RUSC2: variants seen among roughly 807,000 people sequenced by gnomAD.
The protein encoded by RUSC2 is AP-4 complex accessory subunit RUSC2.
Under a neutral mutation model 122.2 loss-of-function variants are expected in RUSC2, and 34 were observed. That is an observed-to-expected ratio of 0.28 (90% CI 0.21 to 0.37). The LOEUF (loss-of-function observed/expected upper bound fraction) is 0.37, where lower values mean the gene tolerates loss of function less well. RUSC2 is among the 10% of genes least tolerant of loss of function. The probability of loss-of-function intolerance (pLI) is 1.00; values close to 1 mark genes in which losing one functional copy is unlikely to be tolerated. For missense variants in RUSC2, 1,747 were observed against 1,952.4 expected (o/e 0.89, Z 1.98); for synonymous variants, 784 against 790.0 (o/e 0.99, Z 0.13).
chr9:35,547,765 C>T lies in RUSC2; in HGVS notation c.1244C>T (p.Ser415Phe), dbSNP rs201381204. The change falls in exon 2 of 12, where the codon TCT (serine) becomes TTT (phenylalanine). Residue 415 changes from serine to phenylalanine, a missense_variant. Ser to Phe is a radical substitution (Grantham distance 155). Transcript: ENST00000361226. This position sits in a 1 kb window ranked among gnomAD's most constrained non-coding sequence, Gnocchi z 4.6. ...CAATCATCCCCAAGCCCTGCTGGCT[C>T]TTCCATCACTAGCTGCTCTGAGGAA... ...SSQSSPSPAGSSITSCSEEHT... is the reference protein window; with the variant it reads ...SSQSSPSPAGFSITSCSEEHT... The T allele has an allele frequency of 1.2e-6, 2 of 1,614,194 alleles. No individual in the cohort carries two copies. Among genetic ancestry groups the T allele is most frequent in the Admixed American group, 1.7e-5 (1 of 60,030 alleles).
chr9:35,511,345 T>C (rs1326908324), intron 1 of RUSC2, among the ~76,000 whole-genome samples: 1 of 152,106 alleles, frequency 6.6e-6, no homozygotes, highest in Non-Finnish European at 1.5e-5. Flanking sequence ...CTGCTGTGGC[T>C]CCCACTGGCA....
At chr9:35,493,567 G>A (rs553300239) in intron 1 of RUSC2, among the ~76,000 whole-genome samples, 75 of 152,168 alleles carry the variant, frequency 4.9e-4, no homozygotes, top group Non-Finnish European at 9.1e-4. Context: ...GCAGTGGCAC[G>A]ATCTTGGCTC....
At chr9:35,492,995 T>TA (rs1409266422) in intron 1 of RUSC2, among the ~76,000 whole-genome samples, 1 of 152,102 alleles carries the variant, frequency 6.6e-6, no homozygotes, top group African/African-American at 2.4e-5. Context: ...GGTTTTTTTT[T>TA]AACTTTTATT....
Position 35,547,388 on chromosome 9 carries a change from C to A in RUSC2, c.867C>A (p.Asn289Lys). The change falls in exon 2 of 12, where the codon AAC becomes AAA. Residue 289 changes from asparagine (N) to lysine (K), a missense_variant. By Grantham distance (94) the Asn-to-Lys change is moderately conservative. Transcript: ENST00000361226. The surrounding 1 kb of genome is among the most constrained non-coding windows in gnomAD (Gnocchi z 4.6). Reference sequence around the variant, plus strand: ...TGGTCACCTTCAGCACCCTCTACAACAAGATGCATGGCACCCCCCGTGCCA... The same window carrying A: ...TGGTCACCTTCAGCACCCTCTACAAAAAGATGCATGGCACCCCCCGTGCCA... ...GVLVTFSTLY[N>K]KMHGTPRANL... 1 of 1,614,184 alleles carries A rather than the reference C, an allele frequency of 6.2e-7. No homozygotes were observed. Among genetic ancestry groups the A allele is most frequent in the East Asian group, 2.2e-5 (1 of 44,876 alleles).
At chr9:35,517,037 T>C (rs1330021576) in intron 1 of RUSC2, among the ~76,000 whole-genome samples, 1 of 152,208 alleles carries the variant, frequency 6.6e-6, no homozygotes, top group African/African-American at 2.4e-5. Context: ...CAATTATAAA[T>C]TGTAAATTTA....
At chr9:35,492,896 G>C (rs79775172) in intron 1 of RUSC2, among the ~76,000 whole-genome samples, 4,509 of 152,082 alleles carry the variant, frequency 0.03, 205 homozygotes, top group African/African-American at 0.1. Flanking sequence ...TTGACTACTG[G>C]GGGTACCTCA....
Position 35,555,191 on chromosome 9 carries a change from C to T in RUSC2, c.2146C>T (p.Leu716Phe). Residue 716 changes from leucine to phenylalanine, a missense_variant, in exon 3 of 12, where the codon CTT (leucine) becomes TTT (phenylalanine). Physicochemically the swap from Leu to Phe is conservative, Grantham distance 22. Coordinates refer to ENST00000361226, the MANE Select transcript of RUSC2 (RefSeq NM_014806.5). This position sits in a 1 kb window ranked among gnomAD's most constrained non-coding sequence, Gnocchi z 4.6. ...QLAKARALHS[L>F]SQLYSLSGCS... ...GGCCAAGGCCCGGGCCCTCCACAGC[C>T]TTTCCCAGCTCTACAGCCTCTCAGG... 1.9e-6 allele frequency: 3 copies of T among 1,613,564 alleles called. No individual in the cohort carries two copies. Among genetic ancestry groups the T allele is most frequent in the Non-Finnish European group, 2.5e-6 (3 of 1,180,032 alleles).
intron 2 of RUSC2, among the ~76,000 whole-genome samples, chr9:35,551,689 A>C (rs975655380): frequency 6.6e-6 from 1 of 152,250 alleles, no homozygotes; most frequent in African/African-American, 2.4e-5. Context: ...TAAATCAAAA[A>C]TGAATGACAA....
chr9:35,518,341 G>A (rs1821148663), intron 1 of RUSC2, among the ~76,000 whole-genome samples: 1 of 152,182 alleles, frequency 6.6e-6, no homozygotes, highest in African/African-American at 2.4e-5. Flanking sequence ...TTGCACTTCA[G>A]CATTCCTACC....
intron 2 of RUSC2, among the ~76,000 whole-genome samples, chr9:35,554,152 T>C (rs1224743931): frequency 6.6e-6 from 1 of 151,948 alleles, no homozygotes; most frequent in Non-Finnish European, 1.5e-5. Flanking sequence ...CTTACGTTTA[T>C]TCGGAGATCT....
chr9:35,550,259 G>A lies in RUSC2; in HGVS notation c.2014+1724G>A, dbSNP rs183033825. 2.9e-3 allele frequency among the ~76,000 whole-genome samples: 442 copies of A among 151,970 alleles called. 4 individuals carry two copies. The highest frequency in any genetic ancestry group is 0.017 in the Middle Eastern group (5 of 292). ...ATCACTGGTTGTTTGGGTAGAAGAT[G>A]GACTGGAAGGGGTGTCTTCCTGAAG... On this transcript the variant is annotated intron_variant, in intron 2 of 11. Coordinates refer to ENST00000361226, the MANE Select transcript of RUSC2 (RefSeq NM_014806.5).
intron 5 of RUSC2, among the ~76,000 whole-genome samples, chr9:35,556,699 C>T (rs1438093411): frequency 2.6e-5 from 4 of 152,116 alleles, no homozygotes; most frequent in East Asian, 1.9e-4. Context: ...TTGTGGTGGG[C>T]GCGTGTAATC....
chr9:35,493,787 GCCA>G (rs1252557761), intron 1 of RUSC2, among the ~76,000 whole-genome samples: 119 of 152,268 alleles, frequency 7.8e-4, no homozygotes, highest in Non-Finnish European at 1.9e-4. Context: ...ACAGGTGTGA[GCCA>G]CTGCACCTGG....
chr9:35,531,817 A>T (rs949103959), intron 1 of RUSC2, among the ~76,000 whole-genome samples: 1 of 152,152 alleles, frequency 6.6e-6, no homozygotes, highest in Non-Finnish European at 1.5e-5. Context: ...CGAGGTTAGG[A>T]GACTGAGATC....
intron 4 of RUSC2, 52 bp from the exon 5 acceptor site, chr9:35,556,256 T>C: frequency 6.2e-7 from 1 of 1,606,880 alleles, no homozygotes; most frequent in Non-Finnish European, 8.5e-7. Flanking sequence ...TGAACTGGCC[T>C]GGAACTCCTG....
intron 2 of RUSC2, among the ~76,000 whole-genome samples, chr9:35,554,319 G>C (rs982413361): frequency 6.6e-6 from 1 of 152,230 alleles, no homozygotes; most frequent in African/African-American, 2.4e-5. Context: ...CCTCCGTTCA[G>C]GGGGAGCAAA....
chr9:35,518,838 C>T (rs1821157295), intron 1 of RUSC2, among the ~76,000 whole-genome samples: 1 of 152,180 alleles, frequency 6.6e-6, no homozygotes, highest in African/African-American at 2.4e-5. Flanking sequence ...GCACTCAGTG[C>T]CCTAGTCTGG....
At chr9:35,508,675 T>C (rs1820960458) in intron 1 of RUSC2, among the ~76,000 whole-genome samples, 1 of 152,230 alleles carries the variant, frequency 6.6e-6, no homozygotes, top group East Asian at 1.9e-4. Flanking sequence ...AATGGAACTT[T>C]ATGACAATTC....
intron 9 of RUSC2, 104 bp downstream of exon 9, chr9:35,559,376 C>A: frequency 1.0e-6 from 1 of 963,666 alleles, no homozygotes; most frequent in South Asian, 1.3e-5. Flanking sequence ...GGGAGGGGGA[C>A]CACACAAGCG....
Sources: gnomAD v4.1 joint callset for allele counts (sites outside exome capture counted in the v4.1 genomes callset) on GRCh38, gnomAD v4.1.1 for gene constraint, Gnocchi (gnomAD v3.1) non-coding constraint, MANE v1.5 for transcripts, NCBI Gene and HGNC (gene_info 2026-07-23, HGNC 2026-07-21) for gene names.